B3GALT1: variants seen among roughly 807,000 people sequenced by gnomAD.
The protein encoded by B3GALT1 is UDP-Gal:betaGlcNAc beta 1,3-galactosyltransferase, polypeptide 1.
In B3GALT1, 10 loss-of-function variants were observed where a neutral mutation model predicts 23.2. The ratio of observed to expected loss-of-function variants is 0.43; its 90% CI spans 0.27 to 0.73. The LOEUF is 0.73. Ranked by LOEUF, B3GALT1 falls within the 30% of genes least tolerant of loss-of-function variation. The probability of loss-of-function intolerance (pLI) is 0.21; values close to 1 mark genes in which losing one functional copy is unlikely to be tolerated. For synonymous variants in B3GALT1, 156 were observed against 141.5 expected (o/e 1.10, Z -0.73); for missense variants, 299 against 405.4 (o/e 0.74, Z 2.25).
intron 1 of B3GALT1, among the ~76,000 whole-genome samples, chr2:167,420,519 T>G (rs1698530428): frequency 6.6e-6 from 1 of 152,158 alleles, no homozygotes; most frequent in Admixed American, 6.5e-5. Context: ...CAAGGACAGA[T>G]CCATAAATCA....
intron 2 of B3GALT1, among the ~76,000 whole-genome samples, chr2:167,537,171 C>T (rs759810101): frequency 5.3e-5 from 8 of 152,208 alleles, no homozygotes; most frequent in Admixed American, 2.0e-4. Flanking sequence ...TCAGGTCTTA[C>T]CTGATGGCAG....
intron 4 of B3GALT1, among the ~76,000 whole-genome samples, chr2:167,847,859 A>G (rs1689793833): frequency 6.6e-6 from 1 of 152,232 alleles, no homozygotes; most frequent in Non-Finnish European, 1.5e-5. Flanking sequence ...TAACCAAGAA[A>G]AGAAGAGAGA....
At chr2:167,506,015 G>C (rs770778894) in intron 2 of B3GALT1, among the ~76,000 whole-genome samples, 2 of 152,022 alleles carry the variant, frequency 1.3e-5, no homozygotes, top group Non-Finnish European at 2.9e-5. Context: ...AGCCAAGATC[G>C]TGCCACTGCA....
At chr2:167,348,228 A>C (rs1367896224) in intron 1 of B3GALT1, among the ~76,000 whole-genome samples, 1 of 152,174 alleles carries the variant, frequency 6.6e-6, no homozygotes, top group African/African-American at 2.4e-5. Context: ...AATTTCAGGA[A>C]GTTTAGTACA....
chr2:167,799,751 G>T (rs1688605463), intron 3 of B3GALT1, among the ~76,000 whole-genome samples: 1 of 152,070 alleles, frequency 6.6e-6, no homozygotes, highest in Non-Finnish European at 1.5e-5. Flanking sequence ...CTTGTGCTTG[G>T]CTTTATTTCT....
chr2:167,445,130 G>A (rs1698959659), intron 1 of B3GALT1, among the ~76,000 whole-genome samples: 1 of 152,200 alleles, frequency 6.6e-6, no homozygotes, highest in Admixed American at 6.5e-5. Context: ...GTACCCAGTG[G>A]TCATTCAGGA....
chr2:167,823,583 T>C (rs1302844635), intron 4 of B3GALT1, among the ~76,000 whole-genome samples: 3 of 152,214 alleles, frequency 2.0e-5, no homozygotes, highest in African/African-American at 7.2e-5. Context: ...AGTTTTCATG[T>C]TAAAATATGC....
chr2:167,835,520 A>G (rs1460990658), intron 4 of B3GALT1, among the ~76,000 whole-genome samples: 1 of 152,260 alleles, frequency 6.6e-6, no homozygotes, highest in Non-Finnish European at 1.5e-5. Flanking sequence ...AGGTAAACAA[A>G]GCAGCTGGGA....
At chr2:167,321,668 C>T (rs748503912) in intron 1 of B3GALT1, among the ~76,000 whole-genome samples, 12 of 152,004 alleles carry the variant, frequency 7.9e-5, no homozygotes, top group Non-Finnish European at 1.6e-4. Flanking sequence ...ATTATTTTCT[C>T]AGGAATCTTA....
At chr2:167,302,153 A>G (rs1488114819) in intron 1 of B3GALT1, among the ~76,000 whole-genome samples, 3 of 152,196 alleles carry the variant, frequency 2.0e-5, no homozygotes, top group South Asian at 4.1e-4. Flanking sequence ...GTGATGAAAT[A>G]ATAGTGAAAA....
chr2:167,383,946 C>G (rs1452701481), intron 1 of B3GALT1, among the ~76,000 whole-genome samples: 2 of 152,170 alleles, frequency 1.3e-5, no homozygotes, highest in Non-Finnish European at 2.9e-5. Flanking sequence ...TAATATAACA[C>G]TACTATAACA....
intron 1 of B3GALT1, among the ~76,000 whole-genome samples, chr2:167,360,085 A>G (rs1232058597): frequency 1.3e-5 from 2 of 152,152 alleles, no homozygotes; most frequent in Non-Finnish European, 2.9e-5. Context: ...AGTTATTTGT[A>G]TTTAATTTTT....
At chr2:167,449,872 C>A (rs1359450153) in intron 1 of B3GALT1, among the ~76,000 whole-genome samples, 3 of 152,016 alleles carry the variant, frequency 2.0e-5, no homozygotes, top group Non-Finnish European at 4.4e-5. Context: ...GTTTTTAATT[C>A]TCTTTATGTG....
chr2:167,362,806 A>G (rs1697518291), intron 1 of B3GALT1, among the ~76,000 whole-genome samples: 1 of 152,330 alleles, frequency 6.6e-6, no homozygotes, highest in Admixed American at 6.5e-5. Context: ...TGAATAAGGC[A>G]TGGTTCTTGC....
intron 4 of B3GALT1, among the ~76,000 whole-genome samples, chr2:167,829,738 T>G (rs2105377286): frequency 6.6e-6 from 1 of 152,238 alleles, no homozygotes; most frequent in Non-Finnish European, 1.5e-5. Flanking sequence ...GGCTAAGATG[T>G]GAGCTGTGAC....
intron 2 of B3GALT1, among the ~76,000 whole-genome samples, chr2:167,615,939 C>A (rs1015493490): frequency 6.6e-6 from 1 of 152,042 alleles, no homozygotes; most frequent in Non-Finnish European, 1.5e-5. Flanking sequence ...TTGAACCCAG[C>A]ACACAGGTAG....
intron 3 of B3GALT1, among the ~76,000 whole-genome samples, chr2:167,709,373 GAGAA>G (rs1038828619): frequency 6.6e-6 from 1 of 152,184 alleles, no homozygotes; most frequent in Admixed American, 6.5e-5. Flanking sequence ...TGGATGAGGT[GAGAA>G]AGAGAGGGAA....
chr2:167,863,002 T>C (rs556006952), intron 4 of B3GALT1, among the ~76,000 whole-genome samples: 2 of 152,342 alleles, frequency 1.3e-5, no homozygotes, highest in African/African-American at 4.8e-5. Context: ...AGTTAATGTG[T>C]CATCAGTGTC....
At chr2:167,782,536 A>G (rs1045454220) in intron 3 of B3GALT1, among the ~76,000 whole-genome samples, 1 of 152,182 alleles carries the variant, frequency 6.6e-6, no homozygotes, top group Non-Finnish European at 1.5e-5. Flanking sequence ...TCACCTTACA[A>G]ATATTATTTT....
Sources: gnomAD v4.1 joint callset for allele counts (sites outside exome capture counted in the v4.1 genomes callset) on GRCh38, gnomAD v4.1.1 for gene constraint, MANE v1.5 for transcripts, NCBI Gene and HGNC (gene_info 2026-07-23, HGNC 2026-07-21) for gene names.